The following MACROD2 variants were observed in gnomAD, a reference collection of about 807,000 sequenced individuals.
MACROD2 encodes the protein ADP-ribose glycohydrolase MACROD2.
A neutral mutation model predicts 70.4 loss-of-function variants in MACROD2; 36 were observed. The observed-to-expected ratio is 0.51, with a 90% confidence interval of 0.39 to 0.68. The LOEUF (loss-of-function observed/expected upper bound fraction) is 0.68, where lower values mean the gene tolerates loss of function less well. MACROD2 is among the 30% of genes least tolerant of loss of function. The probability of loss-of-function intolerance (pLI) is 0.00; values close to 1 mark genes in which losing one functional copy is unlikely to be tolerated. For synonymous variants in MACROD2, 172 were observed against 178.8 expected (o/e 0.96, Z 0.30); for missense variants, 496 against 538.4 (o/e 0.92, Z 0.78).
intron 2 of MACROD2, among the ~76,000 whole-genome samples, chr20:14,022,725 G>A (rs777120848): frequency 3.9e-5 from 6 of 152,108 alleles, no homozygotes; most frequent in Non-Finnish European, 7.3e-5. Context: ...TTAGTTTGCC[G>A]AGATTGATGG....
chr20:15,536,701 CCAA>C (rs1448530270), intron 8 of MACROD2, among the ~76,000 whole-genome samples: 1 of 152,146 alleles, frequency 6.6e-6, no homozygotes, highest in Non-Finnish European at 1.5e-5. Flanking sequence ...TATTCATACT[CCAA>C]CAACTTCTGA....
chr20:15,235,796 T>C (rs187484674), intron 6 of MACROD2, among the ~76,000 whole-genome samples: 4 of 152,292 alleles, frequency 2.6e-5, no homozygotes, highest in African/African-American at 9.6e-5. Flanking sequence ...ACCCTTTCAT[T>C]TGGTACCTCT....
chr20:14,097,772 G>A (rs574534635), intron 3 of MACROD2, among the ~76,000 whole-genome samples: 3 of 152,148 alleles, frequency 2.0e-5, no homozygotes, highest in African/African-American at 7.2e-5. Context: ...CTTGGGGATG[G>A]GACCCAAGTC....
At chr20:14,969,599 TC>T (rs1274866383) in intron 5 of MACROD2, among the ~76,000 whole-genome samples, 1 of 152,136 alleles carries the variant, frequency 6.6e-6, no homozygotes, top group Non-Finnish European at 1.5e-5. Flanking sequence ...ACATTAATGA[TC>T]ATTGACTGTG....
At chr20:14,344,996 T>A (rs1335038485) in intron 3 of MACROD2, among the ~76,000 whole-genome samples, 2 of 152,192 alleles carry the variant, frequency 1.3e-5, no homozygotes, top group Admixed American at 6.5e-5. Flanking sequence ...AATAAGCTTA[T>A]CAGATCATAT....
chr20:14,897,480 T>C (rs1389133408), intron 5 of MACROD2, among the ~76,000 whole-genome samples: 1 of 152,158 alleles, frequency 6.6e-6, no homozygotes, highest in East Asian at 1.9e-4. Flanking sequence ...AATTTAGATG[T>C]GTAAGGACTA....
chr20:15,302,171 C>T (rs1305850605), intron 6 of MACROD2, among the ~76,000 whole-genome samples: 1 of 152,168 alleles, frequency 6.6e-6, no homozygotes, highest in African/African-American at 2.4e-5. Context: ...GTGGCGTCCT[C>T]ATTGCCAAAT....
At chr20:14,750,205 AATT>A (rs1343889231) in intron 5 of MACROD2, among the ~76,000 whole-genome samples, 1 of 152,104 alleles carries the variant, frequency 6.6e-6, no homozygotes, top group East Asian at 1.9e-4. Context: ...TAGAATACAA[AATT>A]ATTATGTGTA....
chr20:14,525,240 A>G (rs945280831), intron 4 of MACROD2, among the ~76,000 whole-genome samples: 4 of 152,212 alleles, frequency 2.6e-5, no homozygotes, highest in African/African-American at 9.6e-5. Flanking sequence ...TTAGTTCCTC[A>G]AGATTGCTCA....
chr20:15,385,021 A>C (rs1327200561), intron 6 of MACROD2, among the ~76,000 whole-genome samples: 1 of 152,180 alleles, frequency 6.6e-6, no homozygotes, highest in Non-Finnish European at 1.5e-5. Flanking sequence ...GAGACAAATA[A>C]AATGTTGATG....
At chr20:15,840,606 C>A (rs2064159887) in intron 8 of MACROD2, among the ~76,000 whole-genome samples, 1 of 152,036 alleles carries the variant, frequency 6.6e-6, no homozygotes, top group African/African-American at 2.4e-5. Context: ...ATGTAAAGGA[C>A]AAAATATTAT....
chr20:15,900,647 TTGAC>T (rs1568627627), intron 10 of MACROD2, among the ~76,000 whole-genome samples: 1 of 152,200 alleles, frequency 6.6e-6, no homozygotes, highest in African/African-American at 2.4e-5. Context: ...CAGGTTCTGT[TTGAC>T]TGGGAACGAT....
At chr20:15,647,770 A>T (rs1184106182) in intron 8 of MACROD2, among the ~76,000 whole-genome samples, 1 of 148,910 alleles carries the variant, frequency 6.7e-6, no homozygotes, top group African/African-American at 2.5e-5. Context: ...CCCAGGCGAG[A>T]GTGCAGTGGT....
At chr20:14,452,099 C>T (rs1020190412) in intron 3 of MACROD2, among the ~76,000 whole-genome samples, 7 of 152,022 alleles carry the variant, frequency 4.6e-5, no homozygotes, top group Non-Finnish European at 1.0e-4. Context: ...TCTGATTCTT[C>T]TATCTACTGA....
intron 3 of MACROD2, among the ~76,000 whole-genome samples, chr20:14,124,965 G>C (rs1411769844): frequency 6.6e-6 from 1 of 152,082 alleles, no homozygotes. Context: ...AAATATTATT[G>C]AGCTATAGAA....
intron 5 of MACROD2, among the ~76,000 whole-genome samples, chr20:15,211,686 C>T (rs1201376379): frequency 1.3e-5 from 2 of 152,100 alleles, no homozygotes; most frequent in Non-Finnish European, 2.9e-5. Flanking sequence ...TCCTGAGTCC[C>T]TCACCAGAAG....
At chr20:14,437,653 A>G (rs1051525865) in intron 3 of MACROD2, among the ~76,000 whole-genome samples, 34 of 152,290 alleles carry the variant, frequency 2.2e-4, no homozygotes, top group African/African-American at 7.5e-4. Flanking sequence ...CTCTTCGTCA[A>G]TTTGTTAATT....
chr20:14,343,272 A>G (rs1029764645), intron 3 of MACROD2, among the ~76,000 whole-genome samples: 7 of 152,186 alleles, frequency 4.6e-5, no homozygotes, highest in African/African-American at 1.7e-4. Flanking sequence ...GATCCTTGAA[A>G]AAAATGAGAG....
chr20:15,319,376 A>G (rs2077848803), intron 6 of MACROD2, among the ~76,000 whole-genome samples: 1 of 152,232 alleles, frequency 6.6e-6, no homozygotes, highest in Non-Finnish European at 1.5e-5. Flanking sequence ...GATGGCAAAA[A>G]TACCCAATGC....
Sources: allele counts gnomAD v4.1 joint callset (sites outside exome capture counted in the v4.1 genomes callset), GRCh38; gene constraint gnomAD v4.1.1; transcripts MANE v1.5; gene names NCBI Gene and HGNC (gene_info 2026-07-23, HGNC 2026-07-21).